Variants in ANKH observed in about 807,000 individuals in gnomAD.
The protein encoded by ANKH is mineralization regulator ANKH.
ANKH carries 15 observed loss-of-function variants against 49.0 expected under a neutral mutation model. That is an observed-to-expected ratio of 0.31 (90% confidence interval 0.20 to 0.47). The LOEUF is 0.47. ANKH is among the 20% of genes least tolerant of loss of function. The pLI is 1.00. For synonymous variants in ANKH, 273 were observed against 260.0 expected (o/e 1.05, Z -0.48); for missense variants, 429 against 652.0 (o/e 0.66, Z 3.72).
chr5:14,848,135 T>A (rs968619367), intron 1 of ANKH, among the ~76,000 whole-genome samples: 26 of 152,214 alleles, frequency 1.7e-4, no homozygotes, highest in African/African-American at 5.8e-4. Flanking sequence ...CGAGATTCTG[T>A]TGAGAGACAG....
intron 8 of ANKH, among the ~76,000 whole-genome samples, chr5:14,735,498 G>T (rs1260955389): frequency 3.9e-5 from 6 of 152,310 alleles, no homozygotes; most frequent in Non-Finnish European, 8.8e-5. Flanking sequence ...AATCATAGTT[G>T]TTAGCTTGCC....
At chr5:14,785,021 G>A (rs79486601) in intron 1 of ANKH, among the ~76,000 whole-genome samples, 1,697 of 152,310 alleles carry the variant, frequency 0.011, 31 homozygotes, top group African/African-American at 0.039. Context: ...TCTGCCGCGT[G>A]CGGTGGCTTG....
intron 3 of ANKH, among the ~76,000 whole-genome samples, chr5:14,756,406 A>G (rs1738886200): frequency 6.6e-6 from 1 of 152,190 alleles, no homozygotes; most frequent in South Asian, 2.1e-4. Flanking sequence ...CTTGCCTTCA[A>G]GTTTGGGCAG....
intron 1 of ANKH, among the ~76,000 whole-genome samples, chr5:14,788,925 T>C (rs1029499759): frequency 6.6e-6 from 1 of 152,172 alleles, no homozygotes; most frequent in Non-Finnish European, 1.5e-5. Flanking sequence ...TCTTTGGACA[T>C]AACTACATCT....
Position 14,814,894 on chromosome 5 carries a change from G to A in ANKH, c.97-45703C>T, listed in dbSNP as rs148622389. Among the ~76,000 whole-genome samples the A allele has an allele frequency of 2.0e-3, 302 of 152,206 alleles. 1 individual carries two copies. Among genetic ancestry groups the A allele is most frequent in the African/African-American group, 6.8e-3 (283 of 41,534 alleles). On this transcript the variant is annotated intron_variant, in intron 1 of 11. Transcript: ENST00000284268. ...TCAAATTTCACGAGTTTGGGAGCAG[G>A]GCTGCTAGTTTCAGAAAGCCAATAT...
intron 8 of ANKH, among the ~76,000 whole-genome samples, chr5:14,719,195 G>A (rs912026039): frequency 6.6e-6 from 1 of 152,220 alleles, no homozygotes; most frequent in Admixed American, 6.5e-5. Flanking sequence ...AGCACTGAAA[G>A]CTAGAAGACA....
At position 14,864,919 on chromosome 5, in the gene ANKH, A is replaced by C. The variant is rs144016669; in HGVS notation, c.96+6433T>G. 6.4e-3 allele frequency among the ~76,000 whole-genome samples: 970 copies of C among 152,232 alleles called. 4 individuals are homozygous for C. Among genetic ancestry groups the C allele is most frequent in the African/African-American group, 0.021 (880 of 41,520 alleles). On this transcript the variant is annotated intron_variant, in intron 1 of 11. Transcript: ENST00000284268. ...GTATACACACACACACTTACCCCACACACACACATACCCCACATACACATA... is the reference window on the plus strand; with the variant it reads ...GTATACACACACACACTTACCCCACCCACACACATACCCCACATACACATA...
At chr5:14,782,469 A>C (rs1739837566) in intron 1 of ANKH, among the ~76,000 whole-genome samples, 1 of 152,130 alleles carries the variant, frequency 6.6e-6, no homozygotes, top group Non-Finnish European at 1.5e-5. Context: ...ATTATACTAA[A>C]ACCAAAGTAA....
At chr5:14,794,298 G>C (rs1288624886) in intron 1 of ANKH, among the ~76,000 whole-genome samples, 3 of 152,244 alleles carry the variant, frequency 2.0e-5, no homozygotes, top group African/African-American at 7.2e-5. Context: ...GCAGCTTCCT[G>C]TGTGCCCAGC....
At chr5:14,767,063 G>T (rs2062537) in intron 2 of ANKH, among the ~76,000 whole-genome samples, 36,253 of 152,054 alleles carry the variant, frequency 0.24, 4,696 homozygotes, top group East Asian at 0.5. Flanking sequence ...CATTGGAAGG[G>T]CAACGTTCAA....
chr5:14,767,286 G>C (rs912649063), intron 2 of ANKH, among the ~76,000 whole-genome samples: 2 of 152,220 alleles, frequency 1.3e-5, no homozygotes, highest in African/African-American at 4.8e-5. Context: ...GACTTAGGCA[G>C]AAAATGGTAA....
chr5:14,843,853 G>T (rs889133387), intron 1 of ANKH, among the ~76,000 whole-genome samples: 1 of 152,188 alleles, frequency 6.6e-6, no homozygotes. Flanking sequence ...ACAGAGCCCA[G>T]ACAGTACCAT....
At chr5:14,778,465 C>T (rs746258191) in intron 1 of ANKH, among the ~76,000 whole-genome samples, 2 of 152,144 alleles carry the variant, frequency 1.3e-5, no homozygotes, top group African/African-American at 2.4e-5. Context: ...ACCTCCTCCG[C>T]GCCAGTGACC....
chr5:14,784,732 G>T (rs1007699478), intron 1 of ANKH, among the ~76,000 whole-genome samples: 1 of 152,128 alleles, frequency 6.6e-6, no homozygotes, highest in Non-Finnish European at 1.5e-5. Flanking sequence ...AGGACAAGCA[G>T]TGCAAGAACT....
chr5:14,744,542 G>C (rs773816187), intron 7 of ANKH, among the ~76,000 whole-genome samples: 21 of 149,718 alleles, frequency 1.4e-4, no homozygotes, highest in Non-Finnish European at 2.8e-4. Flanking sequence ...GGAAGTGGGA[G>C]CAGGCTGTGT....
chr5:14,856,914 T>C (rs373557119), intron 1 of ANKH, among the ~76,000 whole-genome samples: 3 of 152,126 alleles, frequency 2.0e-5, no homozygotes, highest in Non-Finnish European at 4.4e-5. Flanking sequence ...GGGTCTGGCA[T>C]GTAGGAAGGT....
chr5:14,799,554 C>T lies in ANKH; in HGVS notation c.97-30363G>A, dbSNP rs112140299. ...TGGCGAACTTAAGCTGACGCCAATG[C>T]TCATTTACCATTCAGAAAGTCCTCA... On this transcript the variant is annotated intron_variant, in intron 1 of 11. Coordinates refer to ENST00000284268, the MANE Select transcript of ANKH (RefSeq NM_054027.6). 2.3e-3 allele frequency among the ~76,000 whole-genome samples: 354 copies of T among 152,280 alleles called. 2 individuals carry two copies. Among genetic ancestry groups the T allele is most frequent in the Non-Finnish European group, 4.3e-3 (293 of 68,028 alleles).
At chr5:14,753,358 G>T (rs1308383916) in intron 4 of ANKH, among the ~76,000 whole-genome samples, 1 of 152,214 alleles carries the variant, frequency 6.6e-6, no homozygotes, top group Admixed American at 6.5e-5. Context: ...TTTTGCAGAA[G>T]CACCGCGCAA....
At position 14,713,018 on chromosome 5, in the gene ANKH, C is replaced by T. The variant is rs1737295648; in HGVS notation, c.1266-45G>A. On this transcript the variant is annotated intron_variant, in intron 10 of 11. Coordinates refer to ENST00000284268, the MANE Select transcript of ANKH (RefSeq NM_054027.6). This position sits in a 1 kb window ranked among gnomAD's most constrained non-coding sequence, Gnocchi z 4.4. The stretch of plus-strand genomic sequence containing the variant: ...GGCAATTTGTCTGTTAAGGCCAAGT[C>T]AAGGCACAACCGTCGATGCCAAAAC... 1 of 1,569,022 alleles carries T rather than the reference C, an allele frequency of 6.4e-7. No homozygotes were observed. The highest frequency in any genetic ancestry group is 1.1e-5 in the South Asian group (1 of 87,164).
Sources: gnomAD v4.1 joint callset for allele counts (sites outside exome capture counted in the v4.1 genomes callset) on GRCh38, gnomAD v4.1.1 for gene constraint, Gnocchi (gnomAD v3.1) non-coding constraint, MANE v1.5 for transcripts, NCBI Gene and HGNC (gene_info 2026-07-23, HGNC 2026-07-21) for gene names.